Variants in SPIDR observed in about 807,000 individuals in gnomAD.
The protein encoded by SPIDR is scaffold protein involved in DNA repair.
Under a neutral mutation model 104.6 loss-of-function variants are expected in SPIDR, and 93 were observed. The ratio of observed to expected loss-of-function variants is 0.89; its 90% CI spans 0.75 to 1.06. SPIDR has a LOEUF of 1.06. Ranked by LOEUF, SPIDR falls within the 50% of genes least tolerant of loss-of-function variation. The pLI is 0.00. For missense variants in SPIDR, 1,154 were observed against 1,111.2 expected, an observed-to-expected ratio of 1.04 and a Z score of -0.55; for synonymous variants, 431 against 416.9, an observed-to-expected ratio of 1.03 and a Z score of -0.41.
At chr8:47,682,232 C>T (rs1171183276) in intron 11 of SPIDR, among the ~76,000 whole-genome samples, 1 of 145,456 alleles carries the variant, frequency 6.9e-6, no homozygotes, top group Non-Finnish European at 1.5e-5. Flanking sequence ...ATGGAAGGAC[C>T]TCAAAAACAT....
chr8:47,293,571 T>C (rs1256903181), intron 4 of SPIDR, among the ~76,000 whole-genome samples: 2 of 152,138 alleles, frequency 1.3e-5, no homozygotes, highest in Non-Finnish European at 2.9e-5. Context: ...CTCAGCCACC[T>C]GAGTAGCTGG....
intron 8 of SPIDR, among the ~76,000 whole-genome samples, chr8:47,468,959 A>T: frequency 6.6e-6 from 1 of 152,206 alleles, no homozygotes; most frequent in East Asian, 1.9e-4. Context: ...AAGGTCTAAT[A>T]TCCAGCATTT....
chr8:47,300,831 G>T (rs1554576799), intron 5 of SPIDR, among the ~76,000 whole-genome samples: 1 of 152,132 alleles, frequency 6.6e-6, no homozygotes, highest in Non-Finnish European at 1.5e-5. Flanking sequence ...TATAATTTCT[G>T]TTCTTTTACA....
intron 8 of SPIDR, among the ~76,000 whole-genome samples, chr8:47,531,935 A>C (rs1224244114): frequency 6.6e-6 from 1 of 152,194 alleles, no homozygotes; most frequent in Non-Finnish European, 1.5e-5. Flanking sequence ...AGTAGAATAC[A>C]ATAACAGAAA....
intron 8 of SPIDR, among the ~76,000 whole-genome samples, chr8:47,491,460 G>A (rs1035883405): frequency 6.6e-6 from 1 of 151,918 alleles, no homozygotes; most frequent in Non-Finnish European, 1.5e-5. Flanking sequence ...AGTAGCCACA[G>A]TGACCACAAC....
intron 8 of SPIDR, chr8:47,511,506 G>C (rs1006420563): frequency 3.8e-6 from 3 of 780,498 alleles, no homozygotes; most frequent in Non-Finnish European, 7.1e-6. Context: ...CCCTTCTGTG[G>C]ATAGACTCCA....
chr8:47,363,474 C>T (rs1382855043), intron 5 of SPIDR, among the ~76,000 whole-genome samples: 2 of 146,550 alleles, frequency 1.4e-5, no homozygotes, highest in African/African-American at 2.5e-5. Context: ...AGATTACAGG[C>T]GTGAGCTACC....
intron 5 of SPIDR, among the ~76,000 whole-genome samples, chr8:47,312,752 T>G (rs1488260869): frequency 3.3e-5 from 5 of 152,324 alleles, no homozygotes; most frequent in Non-Finnish European, 7.3e-5. Flanking sequence ...AATTTTGGCT[T>G]TTGTTGCCAT....
chr8:47,512,217 T>C (rs1364279585), intron 8 of SPIDR: 2 of 331,604 alleles, frequency 6.0e-6, no homozygotes, highest in Admixed American at 8.5e-5. Context: ...GGGACTTTTG[T>C]CTTTCTCCTG....
chr8:47,293,794 G>T (rs1363396447), intron 4 of SPIDR, 73 bp from the exon 5 acceptor site: 2 of 1,436,936 alleles, frequency 1.4e-6, no homozygotes, highest in Non-Finnish European at 1.9e-6. Context: ...TATATTAACT[G>T]CTAAGAATAA....
intron 8 of SPIDR, among the ~76,000 whole-genome samples, chr8:47,454,203 A>G (rs757259782): frequency 6.6e-6 from 1 of 152,200 alleles, no homozygotes; most frequent in Non-Finnish European, 1.5e-5. Context: ...CACTATTCAC[A>G]ATAGCAAAGA....
chr8:47,714,920 G>A (rs1394640025), intron 16 of SPIDR, among the ~76,000 whole-genome samples: 2 of 152,136 alleles, frequency 1.3e-5, no homozygotes, highest in African/African-American at 4.8e-5. Context: ...GCGGCTTGGG[G>A]TTTATGGACT....
At chr8:47,669,599 T>A (rs1233994447) in intron 10 of SPIDR, among the ~76,000 whole-genome samples, 1 of 152,182 alleles carries the variant, frequency 6.6e-6, no homozygotes, top group Non-Finnish European at 1.5e-5. Flanking sequence ...AAGGCAAAGG[T>A]AGTAGCCAGT....
chr8:47,331,569 C>A (rs1386084609), intron 5 of SPIDR, among the ~76,000 whole-genome samples: 1 of 152,134 alleles, frequency 6.6e-6, no homozygotes, highest in Admixed American at 6.5e-5. Flanking sequence ...GCTTGTAGAA[C>A]TGAAAGGTGC....
At chr8:47,534,703 AAAT>A (rs1564256328) in intron 8 of SPIDR, among the ~76,000 whole-genome samples, 1 of 152,164 alleles carries the variant, frequency 6.6e-6, no homozygotes, top group South Asian at 2.1e-4. Flanking sequence ...CTGAGTGGTG[AAAT>A]AATACATACA....
chr8:47,536,936 G>A lies in SPIDR; in HGVS notation c.1098-58875G>A, dbSNP rs1176084460. Among the ~76,000 whole-genome samples, 5 of 152,280 alleles carry A rather than the reference G, an allele frequency of 3.3e-5. No individual in the cohort carries two copies. The East Asian group carries it at 9.6e-4, about 29-fold the overall frequency. ...TGAACAGACAACTCATTAAGGAGAT[G>A]TACAGATGGCAGATAATCACATTAA... On this transcript the variant is annotated intron_variant, in intron 8 of 19. Coordinates refer to ENST00000297423, the MANE Select transcript of SPIDR (RefSeq NM_001080394.4).
intron 1 of SPIDR, among the ~76,000 whole-genome samples, chr8:47,271,374 C>T (rs900804945): frequency 2.6e-5 from 4 of 152,096 alleles, no homozygotes; most frequent in Non-Finnish European, 5.9e-5. Context: ...TCCCACAGGT[C>T]TCTGAGGCTC....
At chr8:47,650,781 G>C (rs1471692458) in intron 10 of SPIDR, among the ~76,000 whole-genome samples, 1 of 152,038 alleles carries the variant, frequency 6.6e-6, no homozygotes, top group African/African-American at 2.4e-5. Flanking sequence ...GAAAAGAATA[G>C]CCCAAGAAAT....
intron 8 of SPIDR, among the ~76,000 whole-genome samples, chr8:47,518,177 A>G (rs2083443717): frequency 6.6e-6 from 1 of 152,236 alleles, no homozygotes. Context: ...GGTCTGGCAC[A>G]GCAGCCAGGC....
Sources: allele counts gnomAD v4.1 joint callset (sites outside exome capture counted in the v4.1 genomes callset), GRCh38; gene constraint gnomAD v4.1.1; transcripts MANE v1.5; gene names NCBI Gene and HGNC (gene_info 2026-07-23, HGNC 2026-07-21).